Variants in HEMK2 observed in about 807,000 individuals in gnomAD.
HEMK2 encodes the protein methyltransferase HEMK2.
chr21:28,603,547 ATATGTGTGTGTGTG>A, the HEMK2 span, among the ~76,000 whole-genome samples: 15 of 80,770 alleles, frequency 1.9e-4, no homozygotes, highest in Non-Finnish European at 2.9e-4. Flanking sequence ...CTGAGGATAT[ATATGTGTGTGTGTG>A]TGTGTGTGTG....
the HEMK2 span, among the ~76,000 whole-genome samples, chr21:28,781,346 T>C: frequency 6.6e-6 from 1 of 152,182 alleles, no homozygotes; most frequent in Non-Finnish European, 1.5e-5. Flanking sequence ...TCATTCTTAT[T>C]ACTTCTCCCA....
chr21:28,656,305 A>T, the HEMK2 span, among the ~76,000 whole-genome samples: 2 of 152,048 alleles, frequency 1.3e-5, no homozygotes, highest in African/African-American at 4.8e-5. Flanking sequence ...GGAAGTCCAA[A>T]AAAGTACCAC....
At chr21:28,750,726 A>G in the HEMK2 span, among the ~76,000 whole-genome samples, 1 of 150,956 alleles carries the variant, frequency 6.6e-6, no homozygotes, top group Non-Finnish European at 1.5e-5. Flanking sequence ...AAAAAGGCAA[A>G]CAAAGTCTCA....
chr21:28,584,579 G>A, the HEMK2 span, among the ~76,000 whole-genome samples: 1 of 151,974 alleles, frequency 6.6e-6, no homozygotes, highest in Non-Finnish European at 1.5e-5. Context: ...AGTAAGTGGG[G>A]TCACATCTCA....
the HEMK2 span, among the ~76,000 whole-genome samples, chr21:28,864,316 G>A: frequency 2.0e-5 from 3 of 152,158 alleles, no homozygotes; most frequent in Non-Finnish European, 4.4e-5. Flanking sequence ...TAAAGCAAAA[G>A]ACACCTTTGG....
the HEMK2 span, among the ~76,000 whole-genome samples, chr21:28,658,949 C>T: frequency 2.0e-5 from 3 of 152,068 alleles, no homozygotes; most frequent in Admixed American, 6.6e-5. Context: ...TCCATGTTAA[C>T]TATTTGTTTC....
At chr21:28,620,614 T>G in the HEMK2 span, among the ~76,000 whole-genome samples, 1 of 151,018 alleles carries the variant, frequency 6.6e-6, no homozygotes, top group Non-Finnish European at 1.5e-5. Context: ...GTGGTGATAT[T>G]CCCTTTATCA....
At chr21:28,866,212 G>A in the HEMK2 span, among the ~76,000 whole-genome samples, 4 of 143,338 alleles carry the variant, frequency 2.8e-5, no homozygotes, top group Non-Finnish European at 4.5e-5. Flanking sequence ...ATAGTGGCCC[G>A]TACCTGTAAT....
chr21:28,698,347 C>G, the HEMK2 span, among the ~76,000 whole-genome samples: 1 of 151,920 alleles, frequency 6.6e-6, no homozygotes, highest in Non-Finnish European at 1.5e-5. Flanking sequence ...ATATATAAAG[C>G]CTGCTTCATA....
the HEMK2 span, among the ~76,000 whole-genome samples, chr21:28,625,318 T>C: frequency 6.6e-6 from 1 of 152,304 alleles, no homozygotes; most frequent in East Asian, 1.9e-4. Context: ...TATATTAAAA[T>C]AAGCCCAGTA....
chr21:28,862,172 G>A, the HEMK2 span, among the ~76,000 whole-genome samples: 1 of 152,168 alleles, frequency 6.6e-6, no homozygotes, highest in African/African-American at 2.4e-5. Flanking sequence ...GTGTCTCTTA[G>A]TATTACCATG....
the HEMK2 span, chr21:28,876,239 G>C: frequency 1.2e-5 from 6 of 498,442 alleles, no homozygotes; most frequent in South Asian, 2.3e-4. Context: ...AATTCTATAG[G>C]CCTGACTGAA....
the HEMK2 span, among the ~76,000 whole-genome samples, chr21:28,715,323 A>C: frequency 6.6e-6 from 1 of 150,684 alleles, no homozygotes; most frequent in African/African-American, 2.4e-5. Context: ...TTTACTTTTT[A>C]TTAATAGCCA....
At chr21:28,694,394 G>A in the HEMK2 span, among the ~76,000 whole-genome samples, 2 of 152,134 alleles carry the variant, frequency 1.3e-5, no homozygotes, top group African/African-American at 4.8e-5. Context: ...CAAAAGGAAG[G>A]TACAGAAAAT....
At chr21:28,720,381 C>A in the HEMK2 span, among the ~76,000 whole-genome samples, 3 of 152,140 alleles carry the variant, frequency 2.0e-5, no homozygotes, top group Non-Finnish European at 4.4e-5. Flanking sequence ...AACTGAACTG[C>A]ATCACATTAT....
chr21:28,715,420 T>C, the HEMK2 span, among the ~76,000 whole-genome samples: 54 of 152,200 alleles, frequency 3.5e-4, no homozygotes, highest in Non-Finnish European at 6.9e-4. Flanking sequence ...TTTCATATAT[T>C]TGTTGGCCAC....
the HEMK2 span, among the ~76,000 whole-genome samples, chr21:28,868,032 T>C: frequency 6.6e-6 from 1 of 152,246 alleles, no homozygotes; most frequent in African/African-American, 2.4e-5. Flanking sequence ...ACAGTACTAT[T>C]CCATTTGTTC....
chr21:28,718,617 TAA>T, the HEMK2 span, among the ~76,000 whole-genome samples: 1,159 of 150,246 alleles, frequency 7.7e-3, 15 homozygotes, highest in African/African-American at 0.026. Context: ...ATCTCCACTT[TAA>T]AAAAAAAAAT....
chr21:28,771,580 C>G, the HEMK2 span, among the ~76,000 whole-genome samples: 150,534 of 150,534 alleles, frequency 1, 75,267 homozygotes, highest in Non-Finnish European at 1. Context: ...CCAAACACCA[C>G]CTCTAGGGGT....
Sources: gnomAD v4.1 joint callset for allele counts (sites outside exome capture counted in the v4.1 genomes callset) on GRCh38, gnomAD v4.1.1 for gene constraint, MANE v1.5 for transcripts, NCBI Gene and HGNC (gene_info 2026-07-23, HGNC 2026-07-21) for gene names.